The following CTNNA2 variants were observed in gnomAD, a reference collection of about 807,000 sequenced individuals.
The protein encoded by CTNNA2 is catenin alpha-2.
CTNNA2 carries 42 observed loss-of-function variants against 101.0 expected under a neutral mutation model. The ratio of observed to expected loss-of-function variants is 0.42; its 90% CI spans 0.32 to 0.54. CTNNA2 has a LOEUF of 0.54. Among genes scored for constraint, CTNNA2 ranks in the 20% least tolerant of loss-of-function variants. CTNNA2 has a pLI of 0.14. For missense variants in CTNNA2, 871 were observed against 1,223.1 expected (o/e 0.71, Z 4.29); for synonymous variants, 450 against 456.4 (o/e 0.99, Z 0.18).
intron 18 of CTNNA2, among the ~76,000 whole-genome samples, chr2:80,635,076 T>C (rs1237693093): frequency 6.6e-6 from 1 of 152,140 alleles, no homozygotes; most frequent in Admixed American, 6.6e-5. Context: ...ACCTGAAGTA[T>C]AATTTAGATG....
intron 9 of CTNNA2, among the ~76,000 whole-genome samples, chr2:80,472,716 AG>A (rs1260795315): frequency 2.6e-5 from 4 of 152,058 alleles, no homozygotes; most frequent in African/African-American, 9.7e-5. Context: ...TTCTTGATCT[AG>A]GGTGGGGAGA....
At chr2:79,611,444 C>A (rs1678267168) in intron 1 of CTNNA2, among the ~76,000 whole-genome samples, 1 of 152,126 alleles carries the variant, frequency 6.6e-6, no homozygotes, top group Admixed American at 6.6e-5. Context: ...AGACACAGTT[C>A]CCGCCTTCAA....
intron 3 of CTNNA2, among the ~76,000 whole-genome samples, chr2:79,815,546 G>T (rs148539642): frequency 1.3e-5 from 2 of 152,068 alleles, no homozygotes; most frequent in African/African-American, 2.4e-5. Flanking sequence ...GTTTTTGTTT[G>T]CTTTGTCAAA....
intron 7 of CTNNA2, among the ~76,000 whole-genome samples, chr2:80,291,923 G>A (rs1273621931): frequency 6.6e-6 from 1 of 152,222 alleles, no homozygotes; most frequent in Non-Finnish European, 1.5e-5. Flanking sequence ...AGTGAGTGGT[G>A]TATGGGCTAA....
chr2:79,785,920 C>T (rs745820807), intron 3 of CTNNA2, among the ~76,000 whole-genome samples: 1 of 152,098 alleles, frequency 6.6e-6, no homozygotes, highest in Non-Finnish European at 1.5e-5. Context: ...TTTGTATGCT[C>T]TTCACAATTG....
chr2:79,766,095 C>G (rs1167463602), intron 3 of CTNNA2, among the ~76,000 whole-genome samples: 1 of 152,134 alleles, frequency 6.6e-6, no homozygotes, highest in African/African-American at 2.4e-5. Flanking sequence ...TTCTGTGTTT[C>G]TTTGTGTACT....
chr2:80,518,147 A>G (rs141478648), intron 9 of CTNNA2, among the ~76,000 whole-genome samples: 3 of 152,330 alleles, frequency 2.0e-5, no homozygotes, highest in East Asian at 3.9e-4. Context: ...TGAAATCTCA[A>G]TGGATTATTG....
rs192043137 is a variant in CTNNA2, at chr2:79,769,730, C to T, written c.298+25148C>T. On this transcript the variant is annotated intron_variant, in intron 3 of 18. Transcript: ENST00000402739. Reference sequence around the variant, plus strand: ...TGAGGAAGCGTTTACAGAAAGAATTCAATTTGAAATATTCTTCTGATTAGG... The same window carrying T: ...TGAGGAAGCGTTTACAGAAAGAATTTAATTTGAAATATTCTTCTGATTAGG... Among the ~76,000 whole-genome samples, 127 of 152,222 alleles carry T rather than the reference C, an allele frequency of 8.3e-4. 1 individual carries two copies. The South Asian group carries it at 8.5e-3, about 10-fold the overall frequency.
chr2:79,905,663 C>T (rs1685372921), intron 6 of CTNNA2, among the ~76,000 whole-genome samples: 2 of 152,134 alleles, frequency 1.3e-5, no homozygotes, highest in African/African-American at 4.8e-5. Context: ...GGTGCCCCTT[C>T]CTGCTAGCAG....
intron 3 of CTNNA2, 74 bp from the exon 4 acceptor site, chr2:79,857,939 A>G (rs1418646072): frequency 2.1e-6 from 3 of 1,461,882 alleles, no homozygotes; most frequent in Admixed American, 3.6e-5. Context: ...GTAATTGTCC[A>G]TTCACAGATC....
chr2:79,327,053 A>G (rs1045449063), intron 3 of CTNNA2, among the ~76,000 whole-genome samples: 4 of 152,190 alleles, frequency 2.6e-5, no homozygotes, highest in African/African-American at 7.2e-5. Flanking sequence ...AAATGCCTGT[A>G]ATAACAGCTT....
intron 7 of CTNNA2, among the ~76,000 whole-genome samples, chr2:80,007,189 G>C (rs1693431550): frequency 6.6e-6 from 1 of 152,006 alleles, no homozygotes; most frequent in African/African-American, 2.4e-5. Context: ...AGTGGGGATG[G>C]TTACATCTAG....
intron 7 of CTNNA2, among the ~76,000 whole-genome samples, chr2:80,087,277 A>G (rs1699502187): frequency 6.6e-6 from 1 of 152,042 alleles, no homozygotes; most frequent in South Asian, 2.1e-4. Context: ...CCTAAGTGAT[A>G]TAGGAATACA....
intron 7 of CTNNA2, chr2:80,163,012 G>C: frequency 4.5e-6 from 7 of 1,557,290 alleles, no homozygotes; most frequent in Non-Finnish European, 6.2e-6. Context: ...ATTTTGATAG[G>C]CCTTCCATAA....
intron 7 of CTNNA2, among the ~76,000 whole-genome samples, chr2:80,324,932 A>G (rs1030240817): frequency 6.6e-6 from 1 of 152,224 alleles, no homozygotes; most frequent in South Asian, 2.1e-4. Flanking sequence ...TAAAGAAGGC[A>G]TCAGATCATT....
intron 2 of CTNNA2, among the ~76,000 whole-genome samples, chr2:79,679,681 T>C (rs949042582): frequency 4.6e-5 from 7 of 152,128 alleles, no homozygotes; most frequent in African/African-American, 7.2e-5. Context: ...CTGATGTTCC[T>C]AGTATTTTAA....
chr2:79,930,098 G>T (rs1481811474), intron 7 of CTNNA2, among the ~76,000 whole-genome samples: 1 of 151,888 alleles, frequency 6.6e-6, no homozygotes. Flanking sequence ...TTAGCCGGGT[G>T]TGGTGGTGCG....
chr2:80,591,460 T>TTTTTTTTTTTTTTTTG (rs1696497736), intron 15 of CTNNA2, among the ~76,000 whole-genome samples: 1 of 110,724 alleles, frequency 9.0e-6, no homozygotes. Flanking sequence ...ACAGCCTGTT[T>TTTTTTTTTTTTTTTTG]TTTTTTTTTT....
At chr2:80,127,228 A>G (rs994110365) in intron 7 of CTNNA2, among the ~76,000 whole-genome samples, 3 of 152,200 alleles carry the variant, frequency 2.0e-5, no homozygotes, top group African/African-American at 7.2e-5. Flanking sequence ...ATTTTAGATC[A>G]AAAGGTTTTT....
Sources: allele counts gnomAD v4.1 joint callset (sites outside exome capture counted in the v4.1 genomes callset), GRCh38; gene constraint gnomAD v4.1.1; transcripts MANE v1.5; gene names NCBI Gene and HGNC (gene_info 2026-07-23, HGNC 2026-07-21).